GPR108: variants seen among roughly 807,000 people sequenced by gnomAD.
GPR108 encodes the protein G protein-coupled receptor 108.
In GPR108, 60 loss-of-function variants were observed where a neutral mutation model predicts 74.3. That is an observed-to-expected ratio of 0.81 (90% CI 0.66 to 1.00). GPR108 has a LOEUF of 1.00. Among genes scored for constraint, GPR108 ranks in the 50% least tolerant of loss-of-function variants. The pLI is 0.00. For missense variants in GPR108, 667 were observed against 703.3 expected, an observed-to-expected ratio of 0.95 and a Z score of 0.58; for synonymous variants, 311 against 292.4, an observed-to-expected ratio of 1.06 and a Z score of -0.65.
In GPR108 at chr19:6,732,092, G is replaced by A; in HGVS notation, c.1189C>T (p.Leu397=). 6.2e-7 allele frequency: 1 copy of A among 1,613,994 alleles called. No homozygotes were observed. Among genetic ancestry groups the A allele is most frequent in the Non-Finnish European group, 8.5e-7 (1 of 1,180,010 alleles). ...SREEGASDYV[L]WKEILFLVDL... ...ACCAGGAACAAAATCTCCTTCCACAGCACGTAGTCGCTGGCGCCTTCCTCG... is the reference window on the plus strand; with the variant it reads ...ACCAGGAACAAAATCTCCTTCCACAACACGTAGTCGCTGGCGCCTTCCTCG... Residue 397 remains leucine (L), a synonymous_variant, in exon 13 of 18, where the codon CTG becomes TTG. Transcript: ENST00000264080.
At chr19:6,730,718 C>G (rs1482396030) in intron 17 of GPR108, among the ~76,000 whole-genome samples, 1 of 150,242 alleles carries the variant, frequency 6.7e-6, no homozygotes. Context: ...CCCCCGCCCC[C>G]AGAGCGGCCC....
chr19:6,733,116 G>C, intron 9 of GPR108, 52 bp downstream of exon 9: 11 of 1,613,488 alleles, frequency 6.8e-6, no homozygotes, highest in Non-Finnish European at 9.3e-6. Flanking sequence ...AGAGCATAGG[G>C]ATGGGGGTCT....
intron 17 of GPR108, 66 bp downstream of exon 17, chr19:6,730,921 C>CCCGG: frequency 6.8e-7 from 1 of 1,478,146 alleles, no homozygotes; most frequent in Non-Finnish European, 9.3e-7. Context: ...CCACCCTGCC[C>CCCGG]GTAGAGCTGC....
chr19:6,732,632 A>G (rs1278697773), intron 10 of GPR108, 83 bp from the exon 11 acceptor site: 3 of 1,054,756 alleles, frequency 2.8e-6, no homozygotes. Flanking sequence ...AGGAACACGG[A>G]CCGTCACCAT....
rs1259393508 is a variant in GPR108, at chr19:6,734,015, G to A, written c.539C>T (p.Ala180Val). 2 of 1,614,094 alleles carry A rather than the reference G, an allele frequency of 1.2e-6. No individual in the cohort carries two copies. The highest frequency in any genetic ancestry group is 2.2e-5 in the East Asian group (1 of 44,890). ...CCGCCTCCCCGAAACCTGAATCACTGCGGGTGTTGACTTGGGCTTGCTGGC... is the reference window on the plus strand; with the variant it reads ...CCGCCTCCCCGAAACCTGAATCACTACGGGTGTTGACTTGGGCTTGCTGGC... ...SAASKPKSTP[A>V]VIQGPSGKDK... Residue 180 changes from alanine (A) to valine (V), a missense_variant, in exon 6 of 18, where the codon GCA (alanine) becomes GTA (valine). Ala to Val is a moderately conservative substitution (Grantham distance 64, BLOSUM62 0). Coordinates refer to ENST00000264080, the MANE Select transcript of GPR108 (RefSeq NM_001080452.2).
At position 6,734,229 on chromosome 19, in the gene GPR108, T is replaced by A. The variant is rs1361343207; in HGVS notation, c.453A>T (p.Pro151=). 2 of 1,614,030 alleles carry A rather than the reference T, an allele frequency of 1.2e-6. No homozygotes were observed. Among genetic ancestry groups the A allele is most frequent in the Non-Finnish European group, 1.7e-6 (2 of 1,180,044 alleles). The change falls in exon 5 of 18, where the codon CCA becomes CCT. Residue 151 remains proline (P), a synonymous_variant. Coordinates refer to ENST00000264080, the MANE Select transcript of GPR108 (RefSeq NM_001080452.2). Reference sequence around the variant, plus strand: ...CTGTGGCCTGTGGCTTCGGGAGCCCTGGTTTGGAGGGTGCTTCCGGGAGGA... The same window carrying A: ...CTGTGGCCTGTGGCTTCGGGAGCCCAGGTTTGGAGGGTGCTTCCGGGAGGA... ...PGLLPEAPSK[P]GLPKPQATVP... is the part of the protein sequence containing the mutation.
At position 6,732,489 on chromosome 19, in the gene GPR108, A is replaced by G; in HGVS notation, c.994T>C (p.Tyr332His). 1 of 1,613,770 alleles carries G rather than the reference A, an allele frequency of 6.2e-7. No homozygotes were observed. Among genetic ancestry groups the G allele is most frequent in the Non-Finnish European group, 8.5e-7 (1 of 1,179,928 alleles). ...GGGGACACTCACAGGTGTGCGATGT[A>G]GTACATGACGGCAAGGCCTTCGATG... is the stretch of plus-strand genomic sequence containing the variant. ...HPIEGLAVMYYIAHLLKGALL... is the reference protein window; with the variant it reads ...HPIEGLAVMYHIAHLLKGALL... Residue 332 changes from tyrosine to histidine, a missense_variant, in exon 11 of 18, where the codon TAC becomes CAC. Coordinates refer to ENST00000264080, the MANE Select transcript of GPR108 (RefSeq NM_001080452.2).
In GPR108 at chr19:6,737,364, C is replaced by T. The variant is rs1388577042; in HGVS notation, c.120+93G>A. 10 of 1,398,702 alleles carry T rather than the reference C, an allele frequency of 7.1e-6. No individual in the cohort carries two copies. In the South Asian group the frequency reaches 9.9e-5, roughly 14 times the overall value. The allele number at this position is 1,398,702 out of a possible 1,614,324, so 86.6% of individuals were successfully genotyped here. On this transcript the variant is annotated intron_variant, in intron 1 of 17. Transcript: ENST00000264080. ...CCGGACCACTCCACCGCCTCGGGGA[C>T]GGGGGAGGGCGGACGAGACCACTCC...
intron 2 of GPR108, 114 bp from the exon 3 acceptor site, chr19:6,736,072 C>G: frequency 1.1e-6 from 1 of 872,540 alleles, no homozygotes. Flanking sequence ...CTAACATGTG[C>G]TAGATCCCAC....
intron 4 of GPR108, among the ~76,000 whole-genome samples, 177 bp from the exon 5 acceptor site, chr19:6,734,484 C>T (rs1968551462): frequency 6.6e-6 from 1 of 152,218 alleles, no homozygotes; most frequent in African/African-American, 2.4e-5. Flanking sequence ...GAGGCTGCCG[C>T]CTTCCTGTGC....
rs779083602 is a variant in GPR108 at position 6,737,535 on chromosome 19, G to C, written c.42C>G (p.Pro14=). ...SERRGLGRGS[P]AEWGQRLLLV... ...GAAGTAGCCGCTGCCCCCACTCCGC[G>C]GGGCTCCCGCGGCCGAGCCCCCTCC... is the stretch of plus-strand genomic sequence containing the variant. The change falls in exon 1 of 18, where the codon CCC becomes CCG. Residue 14 remains proline, a synonymous_variant. Transcript: ENST00000264080. 2 of 1,556,390 alleles carry C rather than the reference G, an allele frequency of 1.3e-6. No individual in the cohort carries two copies. Among genetic ancestry groups the C allele is most frequent in the Non-Finnish European group, 1.7e-6 (2 of 1,158,842 alleles).
intron 7 of GPR108, 23 bp downstream of exon 7, chr19:6,733,822 C>T (rs1968521233): frequency 1.9e-6 from 3 of 1,613,544 alleles, no homozygotes; most frequent in African/African-American, 2.7e-5. Context: ...GACGGAAGGG[C>T]CGCAGGCGCT....
intron 12 of GPR108, 22 bp downstream of exon 12, chr19:6,732,241 C>T (rs751961507): frequency 1.2e-6 from 2 of 1,611,540 alleles, no homozygotes; most frequent in Non-Finnish European, 1.7e-6. Context: ...CCGCCCTGCT[C>T]CGGAGGCTGC....
chr19:6,730,553 C>A, intron 17 of GPR108, 169 bp from the exon 18 acceptor site: 1 of 634,846 alleles, frequency 1.6e-6, no homozygotes. Context: ...CCCACAGCAG[C>A]GCAGGCCCTA....
intron 8 of GPR108, 82 bp from the exon 9 acceptor site, chr19:6,733,383 C>T (rs777790459): frequency 4.5e-5 from 66 of 1,453,258 alleles, no homozygotes; most frequent in Non-Finnish European, 5.9e-5. Flanking sequence ...GGGTCTCCAG[C>T]TCTCTCACTT....
chr19:6,731,585 TG>T (rs1568236428), intron 14 of GPR108, 63 bp from the exon 15 acceptor site: 1 of 120,320 alleles, frequency 8.3e-6, no homozygotes, highest in Non-Finnish European at 1.5e-5. Flanking sequence ...GGGAGGGGGC[TG>T]GGGGCTGGGA....
intron 15 of GPR108, 40 bp downstream of exon 15, chr19:6,731,433 T>G: frequency 6.6e-7 from 1 of 1,517,214 alleles, no homozygotes; most frequent in Non-Finnish European, 8.8e-7. Flanking sequence ...AGCAGGCCGG[T>G]AATCCCCCCA....
intron 17 of GPR108, 126 bp downstream of exon 17, chr19:6,730,861 G>T: frequency 9.3e-7 from 1 of 1,070,936 alleles, no homozygotes; most frequent in Non-Finnish European, 1.3e-6. Flanking sequence ...CTCAACAGCA[G>T]GCTCTGCCCT....
rs1315230656 is a variant in GPR108, at chr19:6,734,182, C to A, written c.499+1G>T. 1 of 1,614,212 alleles carries A rather than the reference C, an allele frequency of 6.2e-7. No individual in the cohort carries two copies. ...CCGTCTGCACAGCCAGCCTGACTCA[C>A]CGCCATCCACCTTGCGGGGGACTGT... On this transcript the variant is annotated splice_donor_variant, in intron 5 of 17. Transcript: ENST00000264080. LOFTEE classifies it high-confidence loss of function.
Sources: allele counts gnomAD v4.1 joint callset (sites outside exome capture counted in the v4.1 genomes callset), GRCh38; gene constraint gnomAD v4.1.1; transcripts MANE v1.5; gene names NCBI Gene and HGNC (gene_info 2026-07-23, HGNC 2026-07-21).